The following MARCHF1 variants were observed in gnomAD, a reference collection of about 807,000 sequenced individuals.
MARCHF1 encodes the protein membrane associated ring-CH-type finger 1, also known as E3 ubiquitin-protein ligase MARCHF1.
In MARCHF1, 40 loss-of-function variants were observed where a neutral mutation model predicts 54.2. The observed-to-expected ratio is 0.74, with a 90% CI of 0.57 to 0.96. The LOEUF (loss-of-function observed/expected upper bound fraction) is 0.96, where lower values mean the gene tolerates loss of function less well. Among genes scored for constraint, MARCHF1 ranks in the 40% least tolerant of loss-of-function variants. The pLI, the probability that MARCHF1 is intolerant of heterozygous loss-of-function variation, is 0.00. For synonymous variants in MARCHF1, 236 were observed against 236.3 expected, an observed-to-expected ratio of 1.00 and a Z score of 0.01; for missense variants, 586 against 656.5, an observed-to-expected ratio of 0.89 and a Z score of 1.17.
At chr4:164,082,464 G>C (rs1009812444) in intron 2 of MARCHF1, among the ~76,000 whole-genome samples, 2 of 152,116 alleles carry the variant, frequency 1.3e-5, no homozygotes, top group African/African-American at 4.8e-5. Context: ...ATATGGCTTT[G>C]AGCTAGTTTA....
intron 1 of MARCHF1, among the ~76,000 whole-genome samples, chr4:164,271,695 G>A (rs563387573): frequency 6.6e-5 from 10 of 152,138 alleles, no homozygotes; most frequent in Admixed American, 4.6e-4. Flanking sequence ...TCAGTTCGAG[G>A]TGAATTCCAG....
At chr4:164,185,441 A>G (rs981155049) in intron 1 of MARCHF1, among the ~76,000 whole-genome samples, 26 of 152,190 alleles carry the variant, frequency 1.7e-4, no homozygotes, top group Non-Finnish European at 4.4e-5. Context: ...CACATGTCAA[A>G]TAAGTTTTAT....
At chr4:163,574,630 T>A (rs1312645762) in intron 8 of MARCHF1, among the ~76,000 whole-genome samples, 2 of 150,352 alleles carry the variant, frequency 1.3e-5, no homozygotes, top group East Asian at 2.0e-4. Context: ...GTTGTAGATA[T>A]GCGGTGTTAT....
rs562194166 is a variant in MARCHF1, at chr4:163,870,489, T to C, written c.-38-16320A>G. 1.4e-4 allele frequency among the ~76,000 whole-genome samples: 22 copies of C among 152,174 alleles called. No homozygotes were observed. In the East Asian group the frequency reaches 3.5e-3, roughly 24 times the overall value. On this transcript the variant is annotated intron_variant, in intron 3 of 9. Transcript: ENST00000514618. ...TATATACCACAGAAAAGACACATTA[T>C]TTAAAATTAATATATATAAAAAAGA...
intron 3 of MARCHF1, among the ~76,000 whole-genome samples, chr4:163,925,278 A>G (rs954508560): frequency 1.3e-5 from 2 of 151,820 alleles, no homozygotes; most frequent in African/African-American, 4.8e-5. Flanking sequence ...TCAGAGTAGA[A>G]CCCCAGATAT....
At chr4:163,944,257 C>T (rs1751980975) in intron 3 of MARCHF1, among the ~76,000 whole-genome samples, 1 of 151,664 alleles carries the variant, frequency 6.6e-6, no homozygotes, top group Admixed American at 6.6e-5. Context: ...GCTGGGATTA[C>T]AGGCGTGAGC....
intron 1 of MARCHF1, among the ~76,000 whole-genome samples, chr4:164,241,318 C>A (rs1264334365): frequency 6.6e-6 from 1 of 152,162 alleles, no homozygotes; most frequent in African/African-American, 2.4e-5. Context: ...ACCTCCAGTC[C>A]TTCCACTCAG....
At chr4:164,380,460 T>C (rs546056008) in intron 1 of MARCHF1, among the ~76,000 whole-genome samples, 1 of 152,332 alleles carries the variant, frequency 6.6e-6, no homozygotes, top group African/African-American at 2.4e-5. Context: ...CTCCGACCCT[T>C]GTCCTCAAGT....
At chr4:164,293,717 G>C (rs926059225) in intron 1 of MARCHF1, among the ~76,000 whole-genome samples, 1 of 152,158 alleles carries the variant, frequency 6.6e-6, no homozygotes, top group African/African-American at 2.4e-5. Context: ...ACATAGAATC[G>C]AGTGACTCTT....
chr4:164,314,288 A>G (rs569258258), intron 1 of MARCHF1, among the ~76,000 whole-genome samples: 1 of 152,356 alleles, frequency 6.6e-6, no homozygotes, highest in South Asian at 2.1e-4. Context: ...CTTAATTGCT[A>G]GCAAGAGAGA....
intron 1 of MARCHF1, among the ~76,000 whole-genome samples, chr4:164,236,558 C>T (rs1732566088): frequency 6.6e-6 from 1 of 152,050 alleles, no homozygotes; most frequent in Non-Finnish European, 1.5e-5. Flanking sequence ...CATGCTTGTT[C>T]ACGGCATGAG....
chr4:164,140,773 C>T (rs931292473), intron 1 of MARCHF1, among the ~76,000 whole-genome samples: 1 of 103,168 alleles, frequency 9.7e-6, no homozygotes, highest in Non-Finnish European at 2.7e-5. Flanking sequence ...TACATACATA[C>T]ACACACACAC....
chr4:163,979,424 T>A (rs1462407986), intron 3 of MARCHF1, among the ~76,000 whole-genome samples: 3 of 146,390 alleles, frequency 2.0e-5, no homozygotes, highest in African/African-American at 5.0e-5. Flanking sequence ...TCTATCATTG[T>A]TGGACATTTG....
chr4:163,779,447 A>G (rs1747401160), intron 4 of MARCHF1, among the ~76,000 whole-genome samples: 1 of 151,248 alleles, frequency 6.6e-6, no homozygotes, highest in African/African-American at 2.4e-5. Flanking sequence ...GACTGTATAC[A>G]TAAGGAGGAT....
At chr4:163,532,311 G>C (rs1462409693) in intron 9 of MARCHF1, among the ~76,000 whole-genome samples, 1 of 151,870 alleles carries the variant, frequency 6.6e-6, no homozygotes, top group African/African-American at 2.4e-5. Flanking sequence ...CTTTAACAAA[G>C]GAGCAAAGGC....
intron 1 of MARCHF1, among the ~76,000 whole-genome samples, chr4:164,127,554 C>A (rs1264355306): frequency 1.3e-5 from 2 of 151,828 alleles, no homozygotes; most frequent in African/African-American, 2.4e-5. Context: ...AATGCGGAAC[C>A]AAATGTTAAA....
chr4:164,289,140 T>C (rs924301965), intron 1 of MARCHF1, among the ~76,000 whole-genome samples: 1 of 152,048 alleles, frequency 6.6e-6, no homozygotes, highest in African/African-American at 2.4e-5. Context: ...TAGTTTACCA[T>C]ATATATTTTC....
chr4:163,980,498 A>G (rs1318464586), intron 3 of MARCHF1, among the ~76,000 whole-genome samples: 1 of 151,900 alleles, frequency 6.6e-6, no homozygotes, highest in Non-Finnish European at 1.5e-5. Context: ...AATGGCAACA[A>G]AAGCCAAAAT....
chr4:164,159,198 T>C (rs2110934654), intron 1 of MARCHF1, among the ~76,000 whole-genome samples: 1 of 152,310 alleles, frequency 6.6e-6, no homozygotes, highest in East Asian at 1.9e-4. Flanking sequence ...ATACTGCACA[T>C]GCTGTTGATG....
Sources: gnomAD v4.1 joint callset for allele counts (sites outside exome capture counted in the v4.1 genomes callset) on GRCh38, gnomAD v4.1.1 for gene constraint, MANE v1.5 for transcripts, NCBI Gene and HGNC (gene_info 2026-07-23, HGNC 2026-07-21) for gene names.